BBS9: variants seen among roughly 807,000 people sequenced by gnomAD.
BBS9 encodes the protein Bardet-Biedl syndrome 9, also known as protein PTHB1.
Under a neutral mutation model 117.7 loss-of-function variants are expected in BBS9, and 89 were observed. That is an observed-to-expected ratio of 0.76 (90% CI 0.64 to 0.90). The LOEUF is 0.90. Among genes scored for constraint, BBS9 ranks in the 40% least tolerant of loss-of-function variants. The pLI, the probability that BBS9 is intolerant of heterozygous loss-of-function variation, is 0.00. For synonymous variants in BBS9, 379 were observed against 370.9 expected (o/e 1.02, Z -0.25); for missense variants, 982 against 1,042.2 (o/e 0.94, Z 0.80).
intron 5 of BBS9, among the ~76,000 whole-genome samples, chr7:33,189,602 T>C (rs1340957646): frequency 6.7e-6 from 1 of 149,090 alleles, no homozygotes; most frequent in Non-Finnish European, 1.5e-5. Context: ...TAAAAAAAAA[T>C]AGTTGCTGGG....
intron 19 of BBS9, among the ~76,000 whole-genome samples, chr7:33,393,759 G>A (rs1040726325): frequency 2.0e-5 from 3 of 152,142 alleles, no homozygotes; most frequent in African/African-American, 4.8e-5. Flanking sequence ...TCCACGAAGG[G>A]TTATCTCATT....
intron 15 of BBS9, among the ~76,000 whole-genome samples, chr7:33,354,717 G>A (rs1366380082): frequency 6.6e-6 from 1 of 151,876 alleles, no homozygotes; most frequent in Non-Finnish European, 1.5e-5. Flanking sequence ...ATTTGACAGT[G>A]ATACTGGGCT....
At chr7:33,293,158 A>G (rs10268074) in intron 9 of BBS9, among the ~76,000 whole-genome samples, 125,739 of 151,924 alleles carry the variant, frequency 0.83, 52,090 homozygotes, top group Admixed American at 0.86. Context: ...CTAATGGACC[A>G]TGTCAACATT....
chr7:33,533,971 G>A lies in BBS9; in HGVS notation c.2316G>A (p.Val772=). 8 of 1,614,244 alleles carry A rather than the reference G, an allele frequency of 5.0e-6. No homozygotes were observed. Among genetic ancestry groups the A allele is most frequent in the Non-Finnish European group, 6.8e-6 (8 of 1,180,036 alleles). ...DTQELGWEET[V]DAAISHLLKT... ...GTATCCAGGGCTGGGAAGAAACGGTGGATGCCGCCATTTCCCACCTGTTGA... is the reference window on the plus strand; with the variant it reads ...GTATCCAGGGCTGGGAAGAAACGGTAGATGCCGCCATTTCCCACCTGTTGA... Residue 772 remains valine, a synonymous_variant, in exon 21 of 23, where the codon GTG becomes GTA. Coordinates refer to ENST00000242067, the MANE Select transcript of BBS9 (RefSeq NM_198428.3).
intron 19 of BBS9, among the ~76,000 whole-genome samples, chr7:33,421,485 A>ATG (rs889311017): frequency 6.6e-6 from 1 of 152,190 alleles, no homozygotes; most frequent in African/African-American, 2.4e-5. Context: ...ATTCATAGAA[A>ATG]TGTATAAACC....
intron 20 of BBS9, among the ~76,000 whole-genome samples, chr7:33,519,766 T>C (rs1848332903): frequency 6.6e-6 from 1 of 152,164 alleles, no homozygotes; most frequent in Non-Finnish European, 1.5e-5. Flanking sequence ...GATAACAGAT[T>C]GAAAGACAAA....
At chr7:33,389,276 C>A (rs1161456660) in intron 19 of BBS9, among the ~76,000 whole-genome samples, 1 of 152,124 alleles carries the variant, frequency 6.6e-6, no homozygotes, top group Non-Finnish European at 1.5e-5. Flanking sequence ...CTCCCCTGCC[C>A]CACTCCATTC....
At chr7:33,591,364 T>C (rs1362607622) in intron 21 of BBS9, among the ~76,000 whole-genome samples, 4 of 152,088 alleles carry the variant, frequency 2.6e-5, no homozygotes, top group African/African-American at 4.8e-5. Flanking sequence ...GTGAATGTAA[T>C]ATTTTACTAT....
intron 9 of BBS9, among the ~76,000 whole-genome samples, chr7:33,288,219 A>G (rs976814236): frequency 6.6e-6 from 1 of 152,174 alleles, no homozygotes. Context: ...ATTCAGCTGT[A>G]AAAATGGCAA....
intron 5 of BBS9, among the ~76,000 whole-genome samples, chr7:33,227,986 G>C (rs1375781202): frequency 6.6e-6 from 1 of 152,070 alleles, no homozygotes; most frequent in Non-Finnish European, 1.5e-5. Context: ...CCTTTGGGTA[G>C]ATATCCAGTA....
chr7:33,510,148 G>A (rs1050382748), intron 20 of BBS9, among the ~76,000 whole-genome samples: 2 of 152,074 alleles, frequency 1.3e-5, no homozygotes, highest in Admixed American at 6.6e-5. Context: ...CCATCTTCCT[G>A]TGATGATAAA....
intron 21 of BBS9, among the ~76,000 whole-genome samples, chr7:33,585,569 G>GAC (rs1386180487): frequency 6.6e-6 from 1 of 151,870 alleles, no homozygotes; most frequent in East Asian, 1.9e-4. Flanking sequence ...AGTGAAATGA[G>GAC]ACACTAATCA....
At chr7:33,238,719 A>C (rs1436759253) in intron 5 of BBS9, among the ~76,000 whole-genome samples, 1 of 151,898 alleles carries the variant, frequency 6.6e-6, no homozygotes, top group African/African-American at 2.4e-5. Flanking sequence ...GTATTTTAGG[A>C]TTTTTTTTAG....
In BBS9 at chr7:33,622,864, C is replaced by A. The variant is rs187603223; in HGVS notation, c.2522-12313C>A. On this transcript the variant is annotated intron_variant, in intron 21 of 21. Transcript: ENST00000671952. ...AGTGTTGCTGAAGCAATTGGATAAC[C>A]ATATTGAGAAAAATGAAATTAGACT... 2.3e-3 allele frequency among the ~76,000 whole-genome samples: 343 copies of A among 152,188 alleles called. 2 individuals carry two copies. Among genetic ancestry groups the A allele is most frequent in the African/African-American group, 7.8e-3 (324 of 41,532 alleles).
chr7:33,198,636 A>C (rs948780145), intron 5 of BBS9, among the ~76,000 whole-genome samples: 1 of 152,002 alleles, frequency 6.6e-6, no homozygotes, highest in Non-Finnish European at 1.5e-5. Context: ...CCCGGAGGCA[A>C]AGTATGTTGA....
At chr7:33,454,722 G>C (rs962584065) in intron 19 of BBS9, among the ~76,000 whole-genome samples, 3 of 152,226 alleles carry the variant, frequency 2.0e-5, no homozygotes, top group Non-Finnish European at 4.4e-5. Context: ...CTGCTATATA[G>C]TGAGTCCTGG....
At chr7:33,390,283 A>C (rs1826835131) in intron 19 of BBS9, 1 of 985,268 alleles carries the variant, frequency 1.0e-6, no homozygotes, top group South Asian at 4.7e-5. Flanking sequence ...AGGATGCTTG[A>C]TTTAATGCTT....
At chr7:33,197,612 C>T (rs1162089598) in intron 5 of BBS9, among the ~76,000 whole-genome samples, 1 of 151,660 alleles carries the variant, frequency 6.6e-6, no homozygotes, top group Non-Finnish European at 1.5e-5. Flanking sequence ...TTTTAAAGTA[C>T]ACTGGTACTC....
chr7:33,551,797 G>C (rs1486754198), intron 21 of BBS9, among the ~76,000 whole-genome samples: 1 of 152,162 alleles, frequency 6.6e-6, no homozygotes, highest in Non-Finnish European at 1.5e-5. Context: ...TTGACCATTT[G>C]TGCCACATCT....
Sources: gnomAD v4.1 joint callset for allele counts (sites outside exome capture counted in the v4.1 genomes callset) on GRCh38, gnomAD v4.1.1 for gene constraint, MANE v1.5 for transcripts, NCBI Gene and HGNC (gene_info 2026-07-23, HGNC 2026-07-21) for gene names.